Variants in ROR1 observed in about 807,000 individuals in gnomAD.
ROR1 encodes the protein inactive tyrosine-protein kinase transmembrane receptor ROR1.
In ROR1, 19 loss-of-function variants were observed where a neutral mutation model predicts 78.8. That is an observed-to-expected ratio of 0.24 (90% CI 0.17 to 0.35). ROR1 has a LOEUF of 0.35. ROR1 is among the 10% of genes least tolerant of loss of function. The pLI is 1.00. For missense variants in ROR1, 917 were observed against 1,177.8 expected, an observed-to-expected ratio of 0.78 and a Z score of 3.24; for synonymous variants, 386 against 433.6, an observed-to-expected ratio of 0.89 and a Z score of 1.36.
chr1:63,976,355 A>G (rs1646161044), intron 1 of ROR1, among the ~76,000 whole-genome samples: 1 of 152,190 alleles, frequency 6.6e-6, no homozygotes, highest in Non-Finnish European at 1.5e-5. Context: ...GCTACCCCAC[A>G]GCCATCTCTC....
intron 1 of ROR1, among the ~76,000 whole-genome samples, chr1:63,955,978 G>A (rs1194958085): frequency 3.3e-5 from 5 of 152,110 alleles, no homozygotes; most frequent in African/African-American, 1.2e-4. Flanking sequence ...AAGGCAGAAG[G>A]GCAGCTGCAG....
intron 1 of ROR1, among the ~76,000 whole-genome samples, chr1:63,977,571 T>G (rs1646172077): frequency 6.6e-6 from 1 of 152,152 alleles, no homozygotes; most frequent in African/African-American, 2.4e-5. Context: ...GTAGGATTAT[T>G]CTAAAAATCA....
chr1:63,968,113 A>T (rs1646090550), intron 1 of ROR1, among the ~76,000 whole-genome samples: 1 of 152,202 alleles, frequency 6.6e-6, no homozygotes, highest in Admixed American at 6.5e-5. Context: ...TTTTTCTGTC[A>T]GATCCAAGAA....
chr1:63,802,405 T>TG (rs1382577503), intron 1 of ROR1, among the ~76,000 whole-genome samples: 1 of 152,224 alleles, frequency 6.6e-6, no homozygotes, highest in African/African-American at 2.4e-5. Context: ...ATTTGTTTAT[T>TG]TGCATGCTAC....
chr1:63,861,904 G>A (rs1645184644), intron 1 of ROR1, among the ~76,000 whole-genome samples: 1 of 152,082 alleles, frequency 6.6e-6, no homozygotes, highest in South Asian at 2.1e-4. Context: ...TTCCTGACAA[G>A]TCTAGGGTTG....
rs1028985442 is a variant in ROR1, at chr1:63,790,348, G to A, written c.91+15840G>A. Among the ~76,000 whole-genome samples the A allele has an allele frequency of 5.9e-5, 9 of 152,212 alleles. No individual in the cohort carries two copies. The East Asian group carries it at 9.7e-4, about 16-fold the overall frequency. ...TGTGACTATCTAGGAATTTAAAAAC[G>A]CGTCTTCGAACAACTGAAAATCTCC... is the stretch of plus-strand genomic sequence containing the variant. On this transcript the variant is annotated intron_variant, in intron 1 of 8. Transcript: ENST00000371079.
chr1:64,068,878 T>C (rs1646979156), intron 4 of ROR1, among the ~76,000 whole-genome samples: 1 of 152,222 alleles, frequency 6.6e-6, no homozygotes, highest in Non-Finnish European at 1.5e-5. Context: ...ACCCAAAATA[T>C]ATCTTTTCAA....
rs77219077 is a variant in ROR1 at position 64,174,554 on chromosome 1, T to G, written c.1387-2874T>G. On this transcript the variant is annotated intron_variant, in intron 8 of 8. Coordinates refer to ENST00000371079, the MANE Select transcript of ROR1 (RefSeq NM_005012.4). Reference sequence around the variant, plus strand: ...CTCATTATACCAGCCTAATATTCCATGAGTTTACTTCCTAATTCCCATTTT... The same window carrying G: ...CTCATTATACCAGCCTAATATTCCAGGAGTTTACTTCCTAATTCCCATTTT... Among the ~76,000 whole-genome samples the G allele has an allele frequency of 5.0e-3, 755 of 152,326 alleles. 6 individuals carry two copies. Among genetic ancestry groups the G allele is most frequent in the African/African-American group, 0.017 (714 of 41,574 alleles).
chr1:64,074,225 C>A (rs1331629046), intron 4 of ROR1, among the ~76,000 whole-genome samples: 1 of 152,152 alleles, frequency 6.6e-6, no homozygotes, highest in Non-Finnish European at 1.5e-5. Context: ...ATTTGGGTAT[C>A]CAACCGTGCC....
At chr1:63,892,906 C>T (rs114283662) in intron 1 of ROR1, among the ~76,000 whole-genome samples, 2,493 of 152,254 alleles carry the variant, frequency 0.016, 71 homozygotes, top group African/African-American at 0.058. Context: ...TATGGCAAGC[C>T]TGTTTCCCAA....
chr1:63,976,569 C>G (rs1646162852), intron 1 of ROR1, among the ~76,000 whole-genome samples: 1 of 152,112 alleles, frequency 6.6e-6, no homozygotes, highest in Admixed American at 6.5e-5. Context: ...TACTATAAAA[C>G]CATAACCAAC....
At position 63,918,678 on chromosome 1, in the gene ROR1, C is replaced by G. The variant is rs117469877; in HGVS notation, c.92-90627C>G. Among the ~76,000 whole-genome samples the G allele has an allele frequency of 6.6e-5, 10 of 152,272 alleles. No homozygotes were observed. In the East Asian group the frequency reaches 1.7e-3, roughly 27 times the overall value. ...TTTAAAAATTTTCTTGTGAAACACT[C>G]TATATACTGTGCCTCCCTCTGAGAC... On this transcript the variant is annotated intron_variant, in intron 1 of 8. Transcript: ENST00000371079.
chr1:63,785,011 C>A (rs1429233691), intron 1 of ROR1, among the ~76,000 whole-genome samples: 2 of 152,208 alleles, frequency 1.3e-5, no homozygotes, highest in Non-Finnish European at 2.9e-5. Context: ...CAGGGACTTT[C>A]TTATGCTCTG....
At chr1:63,890,559 G>C (rs951310499) in intron 1 of ROR1, among the ~76,000 whole-genome samples, 2 of 151,930 alleles carry the variant, frequency 1.3e-5, no homozygotes, top group Admixed American at 1.3e-4. Flanking sequence ...TTTGTCAGGA[G>C]TCATGCAGGA....
intron 1 of ROR1, among the ~76,000 whole-genome samples, chr1:63,886,161 CA>C (rs1283312186): frequency 1.3e-5 from 2 of 152,142 alleles, no homozygotes; most frequent in African/African-American, 4.8e-5. Flanking sequence ...GCTGATCTGA[CA>C]GGAAGTGGAG....
chr1:64,142,162 G>A (rs1044476236), intron 6 of ROR1, among the ~76,000 whole-genome samples: 5 of 152,132 alleles, frequency 3.3e-5, no homozygotes, highest in African/African-American at 1.2e-4. Context: ...AAATACTTTT[G>A]GAAGACTGAT....
intron 1 of ROR1, among the ~76,000 whole-genome samples, chr1:63,841,007 A>C (rs1645046403): frequency 6.6e-6 from 1 of 152,126 alleles, no homozygotes; most frequent in Non-Finnish European, 1.5e-5. Flanking sequence ...CATTATCTCT[A>C]ACTGAGTGGT....
At chr1:63,901,375 C>G (rs1645484281) in intron 1 of ROR1, among the ~76,000 whole-genome samples, 1 of 152,090 alleles carries the variant, frequency 6.6e-6, no homozygotes, top group Non-Finnish European at 1.5e-5. Context: ...GTCCGGTTCC[C>G]CATTATCCCC....
intron 2 of ROR1, among the ~76,000 whole-genome samples, chr1:64,032,325 A>G (rs1646667882): frequency 6.8e-6 from 1 of 145,988 alleles, no homozygotes; most frequent in Non-Finnish European, 1.5e-5. Flanking sequence ...CAGTTGGCAA[A>G]GTGAGACTCC....
Sources: allele counts gnomAD v4.1 joint callset (sites outside exome capture counted in the v4.1 genomes callset), GRCh38; gene constraint gnomAD v4.1.1; transcripts MANE v1.5; gene names NCBI Gene and HGNC (gene_info 2026-07-23, HGNC 2026-07-21).